SND1: variants seen among roughly 807,000 people sequenced by gnomAD.
The protein encoded by SND1 is staphylococcal nuclease and tudor domain containing 1, also known as staphylococcal nuclease domain-containing protein 1.
A neutral mutation model predicts 121.7 loss-of-function variants in SND1; 38 were observed. That is an observed-to-expected ratio of 0.31 (90% confidence interval 0.24 to 0.41). SND1 has a LOEUF of 0.41. Among genes scored for constraint, SND1 ranks in the 10% least tolerant of loss-of-function variants. The pLI, the probability that SND1 is intolerant of heterozygous loss-of-function variation, is 1.00. For synonymous variants in SND1, 401 were observed against 447.4 expected, an observed-to-expected ratio of 0.90 and a Z score of 1.31; for missense variants, 868 against 1,184.6, an observed-to-expected ratio of 0.73 and a Z score of 3.92.
rs138367011 is a variant in SND1, at chr7:127,710,090, C to G, written c.1038+2443C>G. On this transcript the variant is annotated intron_variant, in intron 9 of 23. Coordinates refer to ENST00000354725, the MANE Select transcript of SND1 (RefSeq NM_014390.4). ...GGCTGGGCACTTGTTTTTGCATGAT[C>G]TGTGGATTTTACACTGAAAAAAATG... 6.0e-3 allele frequency among the ~76,000 whole-genome samples: 909 copies of G among 151,076 alleles called. 5 individuals are homozygous for G. The highest frequency in any genetic ancestry group is 0.01 in the Non-Finnish European group (693 of 67,862).
intron 18 of SND1, among the ~76,000 whole-genome samples, chr7:128,082,263 A>T (rs1431325853): frequency 6.6e-6 from 1 of 152,192 alleles, no homozygotes; most frequent in Non-Finnish European, 1.5e-5. Context: ...GCGGAAGGAA[A>T]AGCTCTTAGA....
chr7:128,054,381 G>A (rs1036369649), intron 16 of SND1, among the ~76,000 whole-genome samples: 12 of 152,242 alleles, frequency 7.9e-5, no homozygotes, highest in African/African-American at 2.7e-4. Context: ...TCTATGGTAA[G>A]TGCTGGTAAC....
intron 10 of SND1, among the ~76,000 whole-genome samples, chr7:127,781,030 G>A (rs1204309317): frequency 6.6e-6 from 1 of 152,142 alleles, no homozygotes; most frequent in Non-Finnish European, 1.5e-5. Flanking sequence ...TTGTTCTGCG[G>A]GACATCAAAG....
At chr7:128,043,826 TTATATATG>T (rs1792898810) in intron 16 of SND1, among the ~76,000 whole-genome samples, 1 of 141,994 alleles carries the variant, frequency 7.0e-6, no homozygotes, top group African/African-American at 2.7e-5. Context: ...TTGTGTATCT[TTATATATG>T]TATATATGTG....
chr7:128,003,827 C>T (rs1802894577), intron 16 of SND1, among the ~76,000 whole-genome samples: 1 of 152,156 alleles, frequency 6.6e-6, no homozygotes, highest in Admixed American at 6.5e-5. Context: ...TGTATCTTAC[C>T]ATCATGCCCT....
intron 10 of SND1, among the ~76,000 whole-genome samples, chr7:127,784,799 A>G (rs1797782465): frequency 6.6e-6 from 1 of 152,360 alleles, no homozygotes; most frequent in South Asian, 2.1e-4. Context: ...GAAATATAGA[A>G]TATTTTGGAA....
At chr7:127,727,437 G>C (rs1445800455) in intron 10 of SND1, among the ~76,000 whole-genome samples, 1 of 152,166 alleles carries the variant, frequency 6.6e-6, no homozygotes, top group African/African-American at 2.4e-5. Context: ...ATTTGTAAAG[G>C]CAAAATGACT....
intron 15 of SND1, among the ~76,000 whole-genome samples, chr7:127,978,010 C>T (rs1412899500): frequency 2.0e-5 from 3 of 152,034 alleles, no homozygotes; most frequent in African/African-American, 7.2e-5. Flanking sequence ...GCAGGACATC[C>T]AAGGGGAGAC....
intron 12 of SND1, 92 bp from the exon 13 acceptor site, chr7:127,887,810 G>A (rs1221851382): frequency 3.9e-6 from 3 of 769,088 alleles, no homozygotes; most frequent in East Asian, 2.7e-5. Flanking sequence ...GCCAGAATGC[G>A]TTAAGACCTC....
intron 12 of SND1, among the ~76,000 whole-genome samples, chr7:127,875,239 C>T (rs915470003): frequency 4.6e-5 from 7 of 152,120 alleles, no homozygotes; most frequent in African/African-American, 1.7e-4. Context: ...TAAAATCAAT[C>T]AGCTAGCCAA....
chr7:127,946,134 G>T (rs1219977304), intron 15 of SND1, among the ~76,000 whole-genome samples: 1 of 152,232 alleles, frequency 6.6e-6, no homozygotes, highest in East Asian at 1.9e-4. Context: ...TAAGTAGGAA[G>T]TGTAGTAATG....
intron 1 of SND1, among the ~76,000 whole-genome samples, chr7:127,685,631 C>G (rs1185421501): frequency 6.6e-6 from 1 of 152,178 alleles, no homozygotes; most frequent in African/African-American, 2.4e-5. Context: ...CTTTAGAGCT[C>G]TTTTCACAGT....
At chr7:127,813,259 C>T (rs1267760716) in intron 11 of SND1, among the ~76,000 whole-genome samples, 2 of 152,152 alleles carry the variant, frequency 1.3e-5, no homozygotes, top group African/African-American at 4.8e-5. Flanking sequence ...ATTTTAGATG[C>T]TCTTTACCCT....
At chr7:128,032,642 G>C (rs925815924) in intron 16 of SND1, among the ~76,000 whole-genome samples, 1 of 152,068 alleles carries the variant, frequency 6.6e-6, no homozygotes, top group African/African-American at 2.4e-5. Context: ...CGCCCGGCCC[G>C]CGTCATCCTC....
chr7:127,920,189 A>C (rs1169312302), intron 14 of SND1, among the ~76,000 whole-genome samples: 1 of 152,208 alleles, frequency 6.6e-6, no homozygotes, highest in Non-Finnish European at 1.5e-5. Context: ...AAAACTACAA[A>C]ATCAATAGTG....
chr7:127,885,799 A>G (rs150441020), intron 12 of SND1, among the ~76,000 whole-genome samples: 259 of 152,208 alleles, frequency 1.7e-3, no homozygotes, highest in African/African-American at 5.9e-3. Flanking sequence ...TTACTGTAAA[A>G]TGTCAATGCT....
intron 7 of SND1, 52 bp from the exon 8 acceptor site, chr7:127,704,786 CT>C: frequency 7.1e-7 from 1 of 1,408,844 alleles, no homozygotes; most frequent in Non-Finnish European, 1.0e-6. Flanking sequence ...GAAATGGATT[CT>C]TTTACAACAG....
At chr7:128,028,370 T>C (rs760685099) in intron 16 of SND1, 91 of 264,186 alleles carry the variant, frequency 3.4e-4, no homozygotes, top group Non-Finnish European at 5.8e-4. Context: ...TGTTTTAGTT[T>C]ATTTTATCTC....
At chr7:127,708,995 T>C (rs1796253418) in intron 9 of SND1, among the ~76,000 whole-genome samples, 1 of 152,192 alleles carries the variant, frequency 6.6e-6, no homozygotes. Context: ...CTCTTTTTTA[T>C]GATGCCCAAA....
Sources: gnomAD v4.1 joint callset for allele counts (sites outside exome capture counted in the v4.1 genomes callset) on GRCh38, gnomAD v4.1.1 for gene constraint, MANE v1.5 for transcripts, NCBI Gene and HGNC (gene_info 2026-07-23, HGNC 2026-07-21) for gene names.